Variants in CCDC85C observed in about 807,000 individuals in gnomAD.
CCDC85C encodes the protein coiled-coil domain-containing protein 85C.
Under a neutral mutation model 38.3 loss-of-function variants are expected in CCDC85C, and 18 were observed. The ratio of observed to expected loss-of-function variants is 0.47; its 90% CI spans 0.33 to 0.70. The LOEUF (loss-of-function observed/expected upper bound fraction) is 0.70, where lower values mean the gene tolerates loss of function less well. Among genes scored for constraint, CCDC85C ranks in the 30% least tolerant of loss-of-function variants. The pLI is 0.03. For missense variants in CCDC85C, 566 were observed against 621.2 expected (o/e 0.91, Z 0.94); for synonymous variants, 264 against 293.8 (o/e 0.90, Z 1.04).
At chr14:99,583,793 G>A (rs1000222151) in intron 1 of CCDC85C, among the ~76,000 whole-genome samples, 16 of 136,792 alleles carry the variant, frequency 1.2e-4, no homozygotes, top group Non-Finnish European at 1.7e-4. Flanking sequence ...GGGTGACAAA[G>A]CAAGGCTCTG....
Position 99,503,231 on chromosome 14 carries a change from C to G in CCDC85C, c.*12015G>C. On this transcript the variant is annotated 3_prime_UTR_variant, in exon 6 of 6. Transcript: ENST00000380243. ...GCCCTGCTGCCTGTTTCATCCCTGCCAGGGTTCTGAAGCCTGTCGGTGTCG... is the reference window on the plus strand; with the variant it reads ...GCCCTGCTGCCTGTTTCATCCCTGCGAGGGTTCTGAAGCCTGTCGGTGTCG... 1.5e-6 allele frequency: 1 copy of G among 669,706 alleles called. No homozygotes were observed. The highest frequency in any genetic ancestry group is 2.7e-6 in the Non-Finnish European group (1 of 370,706). The allele number at this position is 669,706 out of a possible 1,614,324, so 41.5% of individuals were successfully genotyped here. A position where few individuals can be genotyped will look rare whatever the true frequency, so the allele number is the denominator to read the frequency against.
intron 1 of CCDC85C, among the ~76,000 whole-genome samples, chr14:99,537,682 G>T (rs970021917): frequency 1.3e-5 from 2 of 152,074 alleles, no homozygotes; most frequent in Non-Finnish European, 2.9e-5. Flanking sequence ...CAGCCTCCCC[G>T]CCCTGCCAGG....
intron 1 of CCDC85C, among the ~76,000 whole-genome samples, chr14:99,555,983 C>T (rs10150570): frequency 0.54 from 81,866 of 152,060 alleles, 22,322 homozygotes; most frequent in African/African-American, 0.61. Flanking sequence ...TCAGACAGCC[C>T]GATCGGCTGA....
At chr14:99,577,494 C>T (rs1033683622) in intron 1 of CCDC85C, among the ~76,000 whole-genome samples, 87 of 151,724 alleles carry the variant, frequency 5.7e-4, no homozygotes, top group African/African-American at 1.9e-3. Flanking sequence ...CTCTGAGCCT[C>T]AGTCTCCTCA....
intron 3 of CCDC85C, among the ~76,000 whole-genome samples, chr14:99,518,959 C>T (rs529402685): frequency 7.9e-4 from 120 of 152,106 alleles, no homozygotes; most frequent in Non-Finnish European, 1.4e-3. Context: ...GTGCAGGGGC[C>T]CCCACCTGTA....
In CCDC85C at chr14:99,535,070, G is replaced by A. The variant is rs985785575; in HGVS notation, c.867+945C>T. 1 of 221,864 alleles carries A rather than the reference G, an allele frequency of 4.5e-6. No homozygotes were observed. Among genetic ancestry groups the A allele is most frequent in the Non-Finnish European group, 8.9e-6 (1 of 111,990 alleles). 13.7% of individuals were successfully genotyped at this position (221,864 alleles called of 1,614,324 possible). A position where few individuals can be genotyped will look rare whatever the true frequency, so the allele number is the denominator to read the frequency against. ...GGGAGCTGTGCTCCCTGCTGGGGCC[G>A]TGAGCCTCCCAGCAGCCGCCCAGTG... On this transcript the variant is annotated intron_variant, in intron 2 of 5. Coordinates refer to ENST00000380243, the MANE Select transcript of CCDC85C (RefSeq NM_001144995.2). The surrounding 1 kb of genome is among the most constrained non-coding windows in gnomAD (Gnocchi z 5.5).
rs575869531 is a variant in CCDC85C, at chr14:99,523,488, G to A, written c.868-1248C>T. On this transcript the variant is annotated intron_variant, in intron 2 of 5. Coordinates refer to ENST00000380243, the MANE Select transcript of CCDC85C (RefSeq NM_001144995.2). ...CAGCAAACAGCCGTGTCCTGCGGGG[G>A]TGAGGAGGCAAGTGGATGCTCTATT... is the stretch of plus-strand genomic sequence containing the variant. Among the ~76,000 whole-genome samples, 471 of 152,342 alleles carry A rather than the reference G, an allele frequency of 3.1e-3. 6 individuals are homozygous for A. The highest frequency in any genetic ancestry group is 9.5e-3 in the South Asian group (46 of 4,830).
rs552399326 is a variant in CCDC85C at position 99,530,492 on chromosome 14, C to T, written c.867+5523G>A. On this transcript the variant is annotated intron_variant, in intron 2 of 5. Coordinates refer to ENST00000380243, the MANE Select transcript of CCDC85C (RefSeq NM_001144995.2). ...CGACGCCAGCATCTCCGGAGGAACCCGGGCTCAGGACAGCCCATCCTCCTA... is the reference window on the plus strand; with the variant it reads ...CGACGCCAGCATCTCCGGAGGAACCTGGGCTCAGGACAGCCCATCCTCCTA... Among the ~76,000 whole-genome samples the T allele has an allele frequency of 7.9e-5, 12 of 152,298 alleles. No individual in the cohort carries two copies. In the East Asian group the frequency reaches 2.1e-3, roughly 27 times the overall value.
Position 99,502,045 on chromosome 14 carries a change from A to G in CCDC85C, c.*13201T>C. On this transcript the variant is annotated 3_prime_UTR_variant, in exon 6 of 6. Transcript: ENST00000380243. Reference sequence around the variant, plus strand: ...TATGGTTAAAGTAACTTAGTCGGGTACCTTTAGAAGAGTAAAGACTTGAGT... The same window carrying G: ...TATGGTTAAAGTAACTTAGTCGGGTGCCTTTAGAAGAGTAAAGACTTGAGT... 1 of 704,648 alleles carries G rather than the reference A, an allele frequency of 1.4e-6. No individual in the cohort carries two copies. The highest frequency in any genetic ancestry group is 2.1e-6 in the Non-Finnish European group (1 of 480,130). The allele number at this position is 704,648 out of a possible 1,614,324, so 43.6% of individuals were successfully genotyped here. A position where few individuals can be genotyped will look rare whatever the true frequency, so the allele number is the denominator to read the frequency against.
chr14:99,593,990 AC>A (rs1336748098), intron 1 of CCDC85C, among the ~76,000 whole-genome samples: 1 of 91,824 alleles, frequency 1.1e-5, no homozygotes, highest in Non-Finnish European at 2.0e-5. Context: ...TGTGTAAATC[AC>A]CACCCTCTTG....
chr14:99,573,735 C>T (rs1036473752), intron 1 of CCDC85C, among the ~76,000 whole-genome samples: 3 of 152,232 alleles, frequency 2.0e-5, no homozygotes, highest in Admixed American at 6.5e-5. Context: ...GTCCCCATGA[C>T]ACAGGGCAGA....
chr14:99,578,516 T>C (rs895004640), intron 1 of CCDC85C, among the ~76,000 whole-genome samples: 7 of 147,170 alleles, frequency 4.8e-5, no homozygotes, highest in Non-Finnish European at 9.3e-5. Flanking sequence ...CTCCCATCAC[T>C]GTGTGTGTGT....
rs1327876170 is a variant in CCDC85C at position 99,533,821 on chromosome 14, G to A, written c.867+2194C>T. On this transcript the variant is annotated intron_variant, in intron 2 of 5. Coordinates refer to ENST00000380243, the MANE Select transcript of CCDC85C (RefSeq NM_001144995.2). The surrounding 1 kb of genome is among the most constrained non-coding windows in gnomAD (Gnocchi z 4.2). ...GCAGGGCAGGTGGACACAGGTTATG[G>A]TGGAGGGCCCCCTGTGAGACCGGGG... 6.6e-6 allele frequency among the ~76,000 whole-genome samples: 1 copy of A among 152,226 alleles called. No homozygotes were observed. The highest frequency in any genetic ancestry group is 1.5e-5 in the Non-Finnish European group (1 of 68,036).
chr14:99,524,230 T>C (rs1007747356), intron 2 of CCDC85C, among the ~76,000 whole-genome samples: 2 of 152,042 alleles, frequency 1.3e-5, no homozygotes, highest in African/African-American at 2.4e-5. Flanking sequence ...ATACACACAG[T>C]CTGACTACTG....
At chr14:99,556,637 C>T (rs1898016012) in intron 1 of CCDC85C, among the ~76,000 whole-genome samples, 2 of 152,184 alleles carry the variant, frequency 1.3e-5, no homozygotes, top group Non-Finnish European at 2.9e-5. Context: ...AATCCTCCCA[C>T]CTCAGCCTCT....
chr14:99,527,293 C>T (rs1397312562), intron 2 of CCDC85C, among the ~76,000 whole-genome samples: 1 of 152,170 alleles, frequency 6.6e-6, no homozygotes, highest in Non-Finnish European at 1.5e-5. Context: ...CCAGGGCTGG[C>T]ACACAGTTGG....
Position 99,558,840 on chromosome 14 carries a change from T to C in CCDC85C, c.794-22752A>G, listed in dbSNP as rs974538218. ...GGTCCTCACCCAATCTCATGTTGAA[T>C]GTATCCCCAGTGCTGGAGGTGGGGC... On this transcript the variant is annotated intron_variant, in intron 1 of 5. Transcript: ENST00000380243. The surrounding 1 kb of genome is among the most constrained non-coding windows in gnomAD (Gnocchi z 4.2). Among the ~76,000 whole-genome samples, 11 of 152,160 alleles carry C rather than the reference T, an allele frequency of 7.2e-5. No homozygotes were observed. Among genetic ancestry groups the C allele is most frequent in the Non-Finnish European group, 1.5e-4 (10 of 68,022 alleles).
Position 99,542,062 on chromosome 14 carries a change from C to T in CCDC85C, c.794-5974G>A, listed in dbSNP as rs546437012. On this transcript the variant is annotated intron_variant, in intron 1 of 5. Coordinates refer to ENST00000380243, the MANE Select transcript of CCDC85C (RefSeq NM_001144995.2). ...CAGGAGACCTGGCCACTCCAAGCCG[C>T]AGGCCTCCATCGGGGCTCCTGCCCA... is the stretch of plus-strand genomic sequence containing the variant. 1.8e-4 allele frequency among the ~76,000 whole-genome samples: 27 copies of T among 152,326 alleles called. No individual in the cohort carries two copies. The South Asian group carries it at 3.3e-3, about 19-fold the overall frequency.
chr14:99,549,437 G>T (rs1055533863), intron 1 of CCDC85C, among the ~76,000 whole-genome samples: 18 of 152,176 alleles, frequency 1.2e-4, no homozygotes, highest in African/African-American at 4.1e-4. Flanking sequence ...GTTCACAGGC[G>T]TCTGGCTGGA....
Sources: gnomAD v4.1 joint callset for allele counts (sites outside exome capture counted in the v4.1 genomes callset) on GRCh38, gnomAD v4.1.1 for gene constraint, Gnocchi (gnomAD v3.1) non-coding constraint, MANE v1.5 for transcripts, NCBI Gene and HGNC (gene_info 2026-07-23, HGNC 2026-07-21) for gene names.